The following PALM2AKAP2 variants were observed in gnomAD, a reference collection of about 807,000 sequenced individuals.
PALM2AKAP2 encodes the protein PALM2 and AKAP2 fusion, also known as PALM2-AKAP2 fusion protein.
Under a neutral mutation model 71.5 loss-of-function variants are expected in PALM2AKAP2, and 37 were observed. That is an observed-to-expected ratio of 0.52 (90% CI 0.40 to 0.68). The LOEUF (loss-of-function observed/expected upper bound fraction) is 0.68. PALM2AKAP2 is among the 30% of genes least tolerant of loss of function. PALM2AKAP2 has a pLI of 0.00. For synonymous variants in PALM2AKAP2, 468 were observed against 478.8 expected (o/e 0.98, Z 0.29); for missense variants, 1,224 against 1,191.8 (o/e 1.03, Z -0.40).
intron 7 of PALM2AKAP2, among the ~76,000 whole-genome samples, chr9:110,035,468 TATG>T (rs947360062): frequency 2.0e-4 from 29 of 144,800 alleles, no homozygotes; most frequent in African/African-American, 5.8e-4. Context: ...TATGTATATA[TATG>T]ATATGTTGTG....
intron 2 of PALM2AKAP2, among the ~76,000 whole-genome samples, chr9:110,145,496 A>G (rs1836141601): frequency 6.6e-6 from 1 of 152,194 alleles, no homozygotes; most frequent in South Asian, 2.1e-4. Context: ...GAGGATGAGC[A>G]GGGATAAGTG....
At chr9:109,704,110 G>T (rs1828106033) in intron 1 of PALM2AKAP2, among the ~76,000 whole-genome samples, 1 of 152,158 alleles carries the variant, frequency 6.6e-6, no homozygotes, top group African/African-American at 2.4e-5. Context: ...TCCTGGCACT[G>T]GGAGCTTGAG....
Position 110,122,230 on chromosome 9 carries a change from G to A in PALM2AKAP2, c.157-13897G>A, listed in dbSNP as rs1013649604. On this transcript the variant is annotated intron_variant, in intron 1 of 3. Coordinates refer to ENST00000374525, the Ensembl canonical transcript of PALM2AKAP2. ...TTTTGTAGAGACAAGGTCTCACTAC[G>A]TTGCCCAGGCTGGTCTCAAACTCCT... Among the ~76,000 whole-genome samples the A allele has an allele frequency of 4.6e-5, 7 of 152,150 alleles. No individual in the cohort carries two copies. In the East Asian group the frequency reaches 7.7e-4, roughly 17 times the overall value.
chr9:110,049,290 A>G (rs1464658070), intron 1 of PALM2AKAP2, among the ~76,000 whole-genome samples: 2 of 152,076 alleles, frequency 1.3e-5, no homozygotes, highest in East Asian at 1.9e-4. Flanking sequence ...CTCGCGAGGA[A>G]GGCGCGGGTC....
chr9:109,929,564 G>T (rs935357290), intron 5 of PALM2AKAP2, among the ~76,000 whole-genome samples: 1 of 152,190 alleles, frequency 6.6e-6, no homozygotes, highest in Non-Finnish European at 1.5e-5. Flanking sequence ...GGAAAGAGAA[G>T]TCTGTGACCT....
At chr9:109,735,821 CA>C (rs905962956) in intron 1 of PALM2AKAP2, among the ~76,000 whole-genome samples, 2 of 151,984 alleles carry the variant, frequency 1.3e-5, no homozygotes, top group Non-Finnish European at 2.9e-5. Context: ...GGAAGAGAAA[CA>C]AAAAAGAATC....
At chr9:109,958,259 T>C (rs996353248) in intron 6 of PALM2AKAP2, among the ~76,000 whole-genome samples, 1 of 152,232 alleles carries the variant, frequency 6.6e-6, no homozygotes, top group Non-Finnish European at 1.5e-5. Context: ...CTTCTCTCAC[T>C]TGTTTGAGCA....
At chr9:110,124,332 C>T (rs1835550856) in intron 1 of PALM2AKAP2, among the ~76,000 whole-genome samples, 1 of 152,170 alleles carries the variant, frequency 6.6e-6, no homozygotes, top group Non-Finnish European at 1.5e-5. Flanking sequence ...GAGCTGGCCC[C>T]ACAGAACCAT....
intron 7 of PALM2AKAP2, among the ~76,000 whole-genome samples, chr9:110,017,732 T>C (rs1325423079): frequency 2.7e-5 from 4 of 145,762 alleles, no homozygotes; most frequent in Non-Finnish European, 6.1e-5. Context: ...CATATTCCTT[T>C]TTTTTTTTTT....
At chr9:109,836,127 C>T (rs960816678) in intron 1 of PALM2AKAP2, among the ~76,000 whole-genome samples, 1 of 152,198 alleles carries the variant, frequency 6.6e-6, no homozygotes, top group Non-Finnish European at 1.5e-5. Flanking sequence ...GGAGGCATCC[C>T]CCAGTAGGGG....
At chr9:109,869,718 G>A (rs16914566) in intron 2 of PALM2AKAP2, among the ~76,000 whole-genome samples, 15,977 of 150,602 alleles carry the variant, frequency 0.11, 1,468 homozygotes, top group African/African-American at 0.24. Context: ...TCTTGTATGC[G>A]GAAGCAGTGA....
At chr9:109,736,012 T>C (rs1828627698) in intron 1 of PALM2AKAP2, among the ~76,000 whole-genome samples, 2 of 152,200 alleles carry the variant, frequency 1.3e-5, no homozygotes, top group Non-Finnish European at 2.9e-5. Context: ...GCTGAGGTCA[T>C]GTCCCAGCAT....
At position 110,138,495 on chromosome 9, in the gene PALM2AKAP2, AT is replaced by A. The variant is rs767033135; in HGVS notation, c.2526del (p.Asn842LysfsTer18). ...AGTACGCAGAGCCCCAGGACAAAGA[AT>A]GCCCCATCACTGCCCTCCAGAACAT... On this transcript the variant is annotated frameshift_variant, in exon 2 of 4. Coordinates refer to ENST00000374525, the Ensembl canonical transcript of PALM2AKAP2. LOFTEE classifies it high-confidence loss of function. 5 of 1,613,600 alleles carry A rather than the reference AT, an allele frequency of 3.1e-6. No individual in the cohort carries two copies. Among genetic ancestry groups the A allele is most frequent in the Non-Finnish European group, 4.2e-6 (5 of 1,179,758 alleles).
chr9:109,747,464 T>TATAAAATTATATATACTC (rs1828820185), intron 1 of PALM2AKAP2, among the ~76,000 whole-genome samples: 1 of 152,222 alleles, frequency 6.6e-6, no homozygotes, highest in Admixed American at 6.5e-5. Context: ...CAGAATTTGA[T>TATAAAATTATATATACTC]ATAAAATTAT....
At chr9:109,649,368 A>G (rs1018315401) in intron 1 of PALM2AKAP2, among the ~76,000 whole-genome samples, 2 of 152,202 alleles carry the variant, frequency 1.3e-5, no homozygotes, top group Non-Finnish European at 1.5e-5. Flanking sequence ...GTTTCCTTAC[A>G]TTTAAAAGTC....
chr9:110,079,995 G>A (rs1199852319), intron 1 of PALM2AKAP2, among the ~76,000 whole-genome samples: 1 of 148,480 alleles, frequency 6.7e-6, no homozygotes, highest in East Asian at 2.0e-4. Flanking sequence ...ACTTGAACCG[G>A]GGAGGTGGAG....
At chr9:110,125,128 AGTCT>A (rs1353505629) in intron 1 of PALM2AKAP2, among the ~76,000 whole-genome samples, 5 of 152,200 alleles carry the variant, frequency 3.3e-5, no homozygotes, top group Non-Finnish European at 5.9e-5. Flanking sequence ...TGTCCTGAAA[AGTCT>A]GTCTAACTGG....
intron 1 of PALM2AKAP2, among the ~76,000 whole-genome samples, chr9:109,753,508 G>A (rs780552223): frequency 4.6e-5 from 7 of 152,274 alleles, no homozygotes; most frequent in Non-Finnish European, 7.4e-5. Context: ...GCTTTTCTGC[G>A]CCCTTGGGCT....
intron 7 of PALM2AKAP2, among the ~76,000 whole-genome samples, chr9:110,043,395 A>G (rs1833539824): frequency 6.6e-6 from 1 of 152,218 alleles, no homozygotes; most frequent in South Asian, 2.1e-4. Flanking sequence ...GAGATTTTGT[A>G]AACTTCTGAA....
Sources: allele counts gnomAD v4.1 joint callset (sites outside exome capture counted in the v4.1 genomes callset), GRCh38; gene constraint gnomAD v4.1.1; transcripts MANE v1.5; gene names NCBI Gene and HGNC (gene_info 2026-07-23, HGNC 2026-07-21).